MEMO1: variants seen among roughly 807,000 people sequenced by gnomAD.
MEMO1 encodes the protein mediator of cell motility 1, also known as protein MEMO1.
Under a neutral mutation model 45.2 loss-of-function variants are expected in MEMO1, and 6 were observed. The observed-to-expected ratio is 0.13, with a 90% CI of 0.07 to 0.26. The LOEUF (loss-of-function observed/expected upper bound fraction) is 0.26, where lower values mean the gene tolerates loss of function less well. MEMO1 is among the 10% of genes least tolerant of loss of function. The pLI is 1.00. For synonymous variants in MEMO1, 78 were observed against 124.3 expected (o/e 0.63, Z 2.48); for missense variants, 184 against 370.5 (o/e 0.50, Z 4.13).
At chr2:31,994,853 C>A (rs1672378139) in intron 2 of MEMO1, among the ~76,000 whole-genome samples, 7 of 151,706 alleles carry the variant, frequency 4.6e-5, no homozygotes, top group Admixed American at 4.6e-4. Context: ...AAGGCTGAGG[C>A]AGGAGGATCA....
At chr2:31,919,949 CGTGTGTGTGT>C (rs61002743) in intron 5 of MEMO1, among the ~76,000 whole-genome samples, 2 of 145,206 alleles carry the variant, frequency 1.4e-5, no homozygotes, top group African/African-American at 2.5e-5. Context: ...CACACATACA[CGTGTGTGTGT>C]GTGTGTGTGT....
At chr2:31,933,352 T>TAAAAAAAAAAAAAAAA (rs1558514359) in intron 3 of MEMO1, among the ~76,000 whole-genome samples, 2 of 12,218 alleles carry the variant, frequency 1.6e-4, no homozygotes, top group African/African-American at 3.7e-4. Context: ...AAAAAAAATT[T>TAAAAAAAAAAAAAAAA]ATATATATAT....
chr2:31,896,568 C>A (rs1193007230), intron 6 of MEMO1, among the ~76,000 whole-genome samples: 2 of 152,052 alleles, frequency 1.3e-5, no homozygotes, highest in Non-Finnish European at 2.9e-5. Context: ...GACTCTTGTT[C>A]AAGAACGAAA....
At chr2:31,870,041 T>C in intron 8 of MEMO1, 89 bp from the exon 9 acceptor site, 2 of 1,017,730 alleles carry the variant, frequency 2.0e-6, no homozygotes, top group Non-Finnish European at 1.3e-6. Flanking sequence ...AACTGTTACT[T>C]AAACATAATT....
chr2:31,922,874 C>G (rs1682525052), intron 4 of MEMO1, among the ~76,000 whole-genome samples: 1 of 152,058 alleles, frequency 6.6e-6, no homozygotes, highest in South Asian at 2.1e-4. Context: ...TAGTCTACCA[C>G]TGATGGGCAT....
chr2:31,949,532 T>C (rs575167972), intron 2 of MEMO1, among the ~76,000 whole-genome samples: 2 of 148,826 alleles, frequency 1.3e-5, no homozygotes, highest in East Asian at 4.0e-4. Flanking sequence ...CATTTATTTG[T>C]GGGATCTAAA....
chr2:31,991,571 CAA>C (rs11317637), intron 2 of MEMO1, among the ~76,000 whole-genome samples: 77 of 110,192 alleles, frequency 7.0e-4, no homozygotes, highest in East Asian at 5.7e-3. Context: ...AACTCCGACT[CAA>C]AAAAAAAAAA....
At chr2:31,916,076 T>C (rs1681392664) in intron 6 of MEMO1, among the ~76,000 whole-genome samples, 1 of 152,196 alleles carries the variant, frequency 6.6e-6, no homozygotes, top group South Asian at 2.1e-4. Flanking sequence ...GGGGGAATTA[T>C]AAATAGGAAT....
chr2:31,935,269 G>A (rs532688346), intron 3 of MEMO1, among the ~76,000 whole-genome samples: 9 of 152,118 alleles, frequency 5.9e-5, no homozygotes, highest in Non-Finnish European at 1.2e-4. Flanking sequence ...TTTGAAGGAA[G>A]AAAGGAAGGA....
intron 2 of MEMO1, among the ~76,000 whole-genome samples, chr2:32,004,484 C>T (rs902089793): frequency 2.0e-5 from 3 of 152,184 alleles, no homozygotes; most frequent in African/African-American, 7.2e-5. Flanking sequence ...TATCACTACA[C>T]ACCCTTCCAG....
chr2:31,904,824 T>C (rs1679427365), intron 6 of MEMO1, among the ~76,000 whole-genome samples: 2 of 152,236 alleles, frequency 1.3e-5, no homozygotes, highest in Admixed American at 6.5e-5. Flanking sequence ...AAGAGTCCTA[T>C]AAGGAAGAAC....
chr2:32,002,210 T>C (rs1223448317), intron 2 of MEMO1, among the ~76,000 whole-genome samples: 7 of 139,264 alleles, frequency 5.0e-5, no homozygotes, highest in African/African-American at 1.6e-4. Flanking sequence ...CACATGTATA[T>C]ACGTATATAC....
intron 6 of MEMO1, among the ~76,000 whole-genome samples, chr2:31,917,017 G>C (rs1243581115): frequency 6.6e-6 from 1 of 152,122 alleles, no homozygotes; most frequent in African/African-American, 2.4e-5. Context: ...CTTGGGCTTT[G>C]GCTGATCACA....
At chr2:32,009,117 A>G (rs1572972310) in intron 2 of MEMO1, among the ~76,000 whole-genome samples, 1 of 151,968 alleles carries the variant, frequency 6.6e-6, no homozygotes, top group Admixed American at 6.6e-5. Context: ...CATTCTAACA[A>G]GCACTTTATT....
chr2:31,896,458 T>C (rs1169645481), intron 6 of MEMO1, among the ~76,000 whole-genome samples: 1 of 152,160 alleles, frequency 6.6e-6, no homozygotes, highest in Non-Finnish European at 1.5e-5. Context: ...AAAGCAGGCA[T>C]AGACAATATG....
intron 3 of MEMO1, among the ~76,000 whole-genome samples, chr2:31,934,385 C>T (rs969396105): frequency 2.6e-5 from 4 of 151,852 alleles, no homozygotes; most frequent in East Asian, 1.9e-4. Flanking sequence ...CAGTTCTTAA[C>T]ATCCAGAAAG....
At chr2:31,879,994 T>A (rs985704780) in intron 8 of MEMO1, among the ~76,000 whole-genome samples, 6 of 152,130 alleles carry the variant, frequency 3.9e-5, no homozygotes, top group Non-Finnish European at 8.8e-5. Context: ...CACACCTAAT[T>A]AATCCCTAAA....
intron 2 of MEMO1, among the ~76,000 whole-genome samples, chr2:31,965,184 G>A (rs746295681): frequency 1.3e-5 from 2 of 151,228 alleles, no homozygotes; most frequent in Non-Finnish European, 2.9e-5. Flanking sequence ...TTGCACTCCA[G>A]CCTGGGCAAC....
chr2:31,894,095 A>G (rs904392123), intron 6 of MEMO1, among the ~76,000 whole-genome samples: 1 of 152,228 alleles, frequency 6.6e-6, no homozygotes, highest in African/African-American at 2.4e-5. Flanking sequence ...ACCCCCAAAA[A>G]GCAATTATAA....
Sources: allele counts gnomAD v4.1 joint callset (sites outside exome capture counted in the v4.1 genomes callset), GRCh38; gene constraint gnomAD v4.1.1; transcripts MANE v1.5; gene names NCBI Gene and HGNC (gene_info 2026-07-23, HGNC 2026-07-21).